The following PCMTD1 variants were observed in gnomAD, a reference collection of about 807,000 sequenced individuals.
PCMTD1 encodes protein-L-isoaspartate (D-aspartate) O-methyltransferase domain containing 1, also known as protein-L-isoaspartate O-methyltransferase domain-containing protein 1.
A neutral mutation model predicts 37.6 loss-of-function variants in PCMTD1; 12 were observed. That is an observed-to-expected ratio of 0.32 (90% CI 0.20 to 0.52). The LOEUF (loss-of-function observed/expected upper bound fraction) is 0.52. Ranked by LOEUF, PCMTD1 falls within the 20% of genes least tolerant of loss-of-function variation. The probability of loss-of-function intolerance (pLI) is 0.97; values close to 1 mark genes in which losing one functional copy is unlikely to be tolerated. For synonymous variants in PCMTD1, 117 were observed against 135.8 expected (o/e 0.86, Z 0.96); for missense variants, 235 against 421.3 (o/e 0.56, Z 3.87).
intron 3 of PCMTD1, among the ~76,000 whole-genome samples, chr8:51,837,456 T>TA (rs570716997): frequency 2.4e-3 from 363 of 152,236 alleles, no homozygotes; most frequent in Non-Finnish European, 4.3e-3. Context: ...ATGTTAGCAC[T>TA]AAAAAATCTA....
chr8:51,838,797 A>G (rs948500535), intron 3 of PCMTD1, among the ~76,000 whole-genome samples: 6 of 152,322 alleles, frequency 3.9e-5, no homozygotes, highest in East Asian at 3.9e-4. Context: ...AAATTCAACG[A>G]AAGTTCTCAG....
chr8:51,843,135 T>C (rs2038171130), intron 3 of PCMTD1, among the ~76,000 whole-genome samples: 1 of 149,954 alleles, frequency 6.7e-6, no homozygotes, highest in Non-Finnish European at 1.5e-5. Context: ...AACAATATCA[T>C]TTTTATAATT....
At position 51,818,071 on chromosome 8, in the gene PCMTD1, C is replaced by T; in HGVS notation, c.*2280G>A. 1 of 391,396 alleles carries T rather than the reference C, an allele frequency of 2.6e-6. No homozygotes were observed. The highest frequency in any genetic ancestry group is 5.0e-6 in the Non-Finnish European group (1 of 198,348). 24.2% of individuals were successfully genotyped at this position (391,396 alleles called of 1,614,324 possible). ...ACCTATAAAGCGTAATTTTCCATAT[C>T]AAGTAAACATAAATTCATTAAAAAA... On this transcript the variant is annotated 3_prime_UTR_variant, in exon 6 of 6. Coordinates refer to ENST00000522514, the MANE Select transcript of PCMTD1 (RefSeq NM_052937.4).
rs367662547 is a variant in PCMTD1, at chr8:51,885,028, A to T, written c.-96+13902T>A. ...CTTTACACTAAACATTCTCTGCTCA[A>T]ATTACTGCATGATTTCTCTTTCCTG... On this transcript the variant is annotated intron_variant, in intron 1 of 5. Transcript: ENST00000522514. Among the ~76,000 whole-genome samples the T allele has an allele frequency of 4.1e-4, 63 of 152,308 alleles. 1 individual carries two copies. The highest frequency in any genetic ancestry group is 3.4e-3 in the Middle Eastern group (1 of 294).
intron 1 of PCMTD1, among the ~76,000 whole-genome samples, chr8:51,867,463 G>T (rs1179088104): frequency 6.8e-6 from 1 of 147,294 alleles, no homozygotes; most frequent in Non-Finnish European, 1.5e-5. Flanking sequence ...TCAGAGGAAT[G>T]GGTAAAGAAA....
intron 2 of PCMTD1, among the ~76,000 whole-genome samples, chr8:51,858,245 G>A (rs531906895): frequency 1.3e-5 from 2 of 152,200 alleles, no homozygotes; most frequent in South Asian, 4.1e-4. Context: ...CAGATACCCC[G>A]CTCTCCCTGC....
Position 51,820,185 on chromosome 8 carries a change from T to C in PCMTD1, c.*166A>G. 5.6e-6 allele frequency: 3 copies of C among 532,500 alleles called. No homozygotes were observed. In the East Asian group the frequency reaches 1.0e-4, roughly 18 times the overall value. The allele number at this position is 532,500 out of a possible 1,614,324, so 33.0% of individuals were successfully genotyped here. On this transcript the variant is annotated 3_prime_UTR_variant, in exon 6 of 6. Coordinates refer to ENST00000522514, the MANE Select transcript of PCMTD1 (RefSeq NM_052937.4). Reference sequence around the variant, plus strand: ...AAATAGATTTTATAAAAGGGATTCTTTTATTCACTGAATACATCATTTGTG... The same window carrying C: ...AAATAGATTTTATAAAAGGGATTCTCTTATTCACTGAATACATCATTTGTG...
intron 1 of PCMTD1, among the ~76,000 whole-genome samples, chr8:51,895,227 G>C (rs751165090): frequency 6.6e-6 from 1 of 152,212 alleles, no homozygotes; most frequent in Non-Finnish European, 1.5e-5. Context: ...CAAGAAGGGA[G>C]AGTTGGAGAT....
intron 4 of PCMTD1, 103 bp from the exon 5 acceptor site, chr8:51,831,670 C>T (rs901061294): frequency 1.8e-6 from 2 of 1,139,406 alleles, no homozygotes; most frequent in African/African-American, 3.1e-5. Flanking sequence ...CCAGTTAGAG[C>T]TACACAATCA....
At chr8:51,846,984 A>C (rs1463860332) in intron 2 of PCMTD1, among the ~76,000 whole-genome samples, 2 of 152,252 alleles carry the variant, frequency 1.3e-5, no homozygotes, top group African/African-American at 4.8e-5. Flanking sequence ...ATCAAACCAC[A>C]ACAGAATTAA....
intron 1 of PCMTD1, chr8:51,896,405 TAGACTTTTTTA>T (rs1201138861): frequency 6.6e-6 from 1 of 152,236 alleles, no homozygotes; most frequent in Non-Finnish European, 1.5e-5. Flanking sequence ...TTAATCCTTT[TAGACTTTTTTA>T]GGGCCCTCTT....
chr8:51,836,363 T>G (rs1167127389), intron 3 of PCMTD1, among the ~76,000 whole-genome samples: 1 of 152,234 alleles, frequency 6.6e-6, no homozygotes, highest in Non-Finnish European at 1.5e-5. Flanking sequence ...ATTTGCATAT[T>G]AAAATATACA....
At chr8:51,824,091 T>A (rs2037886819) in intron 5 of PCMTD1, among the ~76,000 whole-genome samples, 1 of 152,150 alleles carries the variant, frequency 6.6e-6, no homozygotes, top group South Asian at 2.1e-4. Flanking sequence ...GCCAATATCA[T>A]ACTGAATGGG....
Position 51,831,194 on chromosome 8 carries a change from T to A in PCMTD1, c.706+250A>T, listed in dbSNP as rs529770476. On this transcript the variant is annotated intron_variant, in intron 5 of 5. Transcript: ENST00000522514. ...ACACCTGTAATCCCACCTACTTGGG[T>A]GTCTGAGGCACAAGAATCGCTTGAA... 1.7e-4 allele frequency among the ~76,000 whole-genome samples: 25 copies of A among 151,468 alleles called. 1 individual carries two copies. Among genetic ancestry groups the A allele is most frequent in the Non-Finnish European group, 3.2e-4 (22 of 67,888 alleles).
chr8:51,849,624 AT>A (rs2038275584), intron 2 of PCMTD1: 2 of 153,556 alleles, frequency 1.3e-5, no homozygotes, highest in Admixed American at 6.5e-5. Flanking sequence ...ACCCCCATTG[AT>A]AACAATAACA....
At chr8:51,843,053 A>C (rs2038170116) in intron 3 of PCMTD1, among the ~76,000 whole-genome samples, 1 of 152,182 alleles carries the variant, frequency 6.6e-6, no homozygotes, top group Non-Finnish European at 1.5e-5. Context: ...AAAATATTTT[A>C]AACTTGAAAA....
At chr8:51,824,229 G>C (rs996552536) in intron 5 of PCMTD1, among the ~76,000 whole-genome samples, 5 of 152,112 alleles carry the variant, frequency 3.3e-5, no homozygotes, top group African/African-American at 1.2e-4. Context: ...ATAAAGCATA[G>C]TCAAATAGGA....
At chr8:51,869,491 T>C (rs1421560152) in intron 1 of PCMTD1, among the ~76,000 whole-genome samples, 1 of 152,066 alleles carries the variant, frequency 6.6e-6, no homozygotes, top group Admixed American at 6.6e-5. Flanking sequence ...TCAGCATTGG[T>C]CAAATCTATA....
chr8:51,846,366 T>A (rs2038219906), intron 2 of PCMTD1, among the ~76,000 whole-genome samples: 1 of 152,026 alleles, frequency 6.6e-6, no homozygotes, highest in Non-Finnish European at 1.5e-5. Context: ...ACGGACTACC[T>A]CCCAGGAAAA....
Sources: gnomAD v4.1 joint callset for allele counts (sites outside exome capture counted in the v4.1 genomes callset) on GRCh38, gnomAD v4.1.1 for gene constraint, MANE v1.5 for transcripts, NCBI Gene and HGNC (gene_info 2026-07-23, HGNC 2026-07-21) for gene names.